The following GHITM variants were observed in gnomAD, a reference collection of about 807,000 sequenced individuals.
GHITM encodes growth hormone-inducible transmembrane protein.
In GHITM, 24 loss-of-function variants were observed where a neutral mutation model predicts 38.7. That is an observed-to-expected ratio of 0.62 (90% CI 0.45 to 0.87). The LOEUF (loss-of-function observed/expected upper bound fraction) is 0.87, where lower values mean the gene tolerates loss of function less well. Among genes scored for constraint, GHITM ranks in the 40% least tolerant of loss-of-function variants. The pLI is 0.00. For missense variants in GHITM, 420 were observed against 429.8 expected (o/e 0.98, Z 0.20); for synonymous variants, 154 against 147.8 (o/e 1.04, Z -0.30).
chr10:84,149,063 T>C (rs1318748661), intron 6 of GHITM, among the ~76,000 whole-genome samples: 2 of 152,232 alleles, frequency 1.3e-5, no homozygotes, highest in East Asian at 3.8e-4. Flanking sequence ...TCTGACAGTC[T>C]AGTATATGCA....
Position 84,142,650 on chromosome 10 carries a change from G to A in GHITM, c.130-5G>A. ...GGTACGTGTCTTTGTTTGCATGTGTGTCAGGAATATGCCACCAAAACAAGA... is the reference window on the plus strand; with the variant it reads ...GGTACGTGTCTTTGTTTGCATGTGTATCAGGAATATGCCACCAAAACAAGA... On this transcript the variant is annotated splice_polypyrimidine_tract_variant and splice_region_variant and intron_variant, in intron 2 of 8. Transcript: ENST00000372134. 6.2e-7 allele frequency: 1 copy of A among 1,601,258 alleles called. No individual in the cohort carries two copies. Among genetic ancestry groups the A allele is most frequent in the Non-Finnish European group, 8.6e-7 (1 of 1,169,324 alleles).
intron 1 of GHITM, among the ~76,000 whole-genome samples, chr10:84,140,947 T>C (rs901084510): frequency 2.0e-5 from 3 of 152,238 alleles, no homozygotes; most frequent in African/African-American, 7.2e-5. Context: ...TATGATTAGC[T>C]GAAATTCATA....
intron 5 of GHITM, among the ~76,000 whole-genome samples, chr10:84,146,451 C>G (rs566215897): frequency 6.6e-6 from 1 of 152,272 alleles, no homozygotes; most frequent in South Asian, 2.1e-4. Flanking sequence ...AACACTGATT[C>G]CCCACATAGG....
intron 8 of GHITM, among the ~76,000 whole-genome samples, chr10:84,151,337 T>A (rs1841610163): frequency 6.6e-6 from 1 of 152,208 alleles, no homozygotes; most frequent in African/African-American, 2.4e-5. Context: ...TTTTGTCTGT[T>A]CTCTCTTTAG....
chr10:84,142,682 A>T lies in GHITM; in HGVS notation c.157A>T (p.Ile53Phe). The change falls in exon 3 of 9, where the codon ATC (isoleucine) becomes TTC (phenylalanine). Residue 53 changes from isoleucine (I) to phenylalanine (F), a missense_variant. By Grantham distance (21) the Ile-to-Phe change is conservative (BLOSUM62 0). Transcript: ENST00000372134. Reference protein sequence around the residue: ...REYATKTRIGIRRGRTGQELK... With the variant: ...REYATKTRIGFRRGRTGQELK... ...ATATGCCACCAAAACAAGAATTGGG[A>T]TCCGGCGTGGGAGAACTGGCCAAGA... 6.2e-7 allele frequency: 1 copy of T among 1,612,690 alleles called. No homozygotes were observed.
In GHITM at chr10:84,148,594, C is replaced by T. The variant is rs1048063677; in HGVS notation, c.484-136C>T. ...TGCAGGCGTGAGCCACCACGCCTGG[C>T]CTTAAGCTTTGATTTATTATCTTTA... On this transcript the variant is annotated intron_variant, in intron 5 of 8. Transcript: ENST00000372134. The T allele has an allele frequency of 4.8e-6, 3 of 625,382 alleles. No homozygotes were observed. In the African/African-American group the frequency reaches 5.5e-5, roughly 11 times the overall value. 38.7% of individuals were successfully genotyped at this position (625,382 alleles called of 1,614,324 possible). A position where few individuals can be genotyped will look rare whatever the true frequency, so the allele number is the denominator to read the frequency against.
Position 84,145,374 on chromosome 10 carries a change from A to G in GHITM, c.483+358A>G, listed in dbSNP as rs147391989. ...TTCTGATGAGAGTTACTCAACCTGTATTAGTGCAGCTGAGATAAAAGTAGG... is the reference window on the plus strand; with the variant it reads ...TTCTGATGAGAGTTACTCAACCTGTGTTAGTGCAGCTGAGATAAAAGTAGG... On this transcript the variant is annotated intron_variant, in intron 5 of 8. Transcript: ENST00000372134. 4.9e-3 allele frequency among the ~76,000 whole-genome samples: 750 copies of G among 152,362 alleles called. 5 individuals are homozygous for G. The highest frequency in any genetic ancestry group is 0.017 in the African/African-American group (713 of 41,588).
intron 5 of GHITM, among the ~76,000 whole-genome samples, chr10:84,147,502 G>A (rs902893914): frequency 6.6e-6 from 1 of 152,208 alleles, no homozygotes; most frequent in Non-Finnish European, 1.5e-5. Context: ...TCATAGGTGA[G>A]ACAGATAATA....
At position 84,141,595 on chromosome 10, in the gene GHITM, TCACGAAGAATCAATGGCTGTTAA is replaced by T; in HGVS notation, c.99_121del (p.Lys34Ter). On this transcript the variant is annotated frameshift_variant, in exon 2 of 9. Coordinates refer to ENST00000372134, the MANE Select transcript of GHITM (RefSeq NM_014394.3). LOFTEE classifies it high-confidence loss of function. ...GCCTCCCCTGTTGTGAAGAATTCCATCACGAAGAATCAATGGCTGTTAACACCTAGCAGGGTAAAGATAATCTG... is the reference window on the plus strand; with the variant it reads ...GCCTCCCCTGTTGTGAAGAATTCCATCACCTAGCAGGGTAAAGATAATCTG... 2 of 1,613,854 alleles carry T rather than the reference TCACGAAGAATCAATGGCTGTTAA, an allele frequency of 1.2e-6. No homozygotes were observed. Among genetic ancestry groups the T allele is most frequent in the East Asian group, 4.5e-5 (2 of 44,890 alleles).
chr10:84,148,827 T>G lies in GHITM; in HGVS notation c.581T>G (p.Leu194Trp). The G allele has an allele frequency of 6.3e-7, 1 of 1,593,712 alleles. No homozygotes were observed. The highest frequency in any genetic ancestry group is 8.6e-7 in the Non-Finnish European group (1 of 1,161,504). ...CCAGGCCCAAAGCATCTTGCTTGGT[T>G]GCTACATTCTGGTATGTTCTGTTTT... Reference protein sequence around the residue: ...QSPGPKHLAWLLHSGVMGAVV... With the variant: ...QSPGPKHLAWWLHSGVMGAVV... Residue 194 changes from leucine to tryptophan, a missense_variant, in exon 6 of 9, where the codon TTG (leucine) becomes TGG (tryptophan). Leu to Trp is a moderately conservative substitution (Grantham distance 61). Coordinates refer to ENST00000372134, the MANE Select transcript of GHITM (RefSeq NM_014394.3).
chr10:84,145,979 T>C (rs563736309), intron 5 of GHITM, among the ~76,000 whole-genome samples: 3 of 152,328 alleles, frequency 2.0e-5, no homozygotes, highest in Non-Finnish European at 4.4e-5. Context: ...GAAGATTGCT[T>C]GAGCCCAGGA....
chr10:84,149,982 G>T, intron 6 of GHITM, 73 bp from the exon 7 acceptor site: 1 of 1,168,110 alleles, frequency 8.6e-7, no homozygotes, highest in Non-Finnish European at 1.2e-6. Context: ...ATATAAAGTG[G>T]CATGTTAGAA....
At chr10:84,143,962 G>C (rs1171030039) in intron 3 of GHITM, 33 bp from the exon 4 acceptor site, 2 of 1,325,764 alleles carry the variant, frequency 1.5e-6, no homozygotes, top group Admixed American at 1.7e-5. Context: ...AGATGTGCCA[G>C]TACTAACCTG....
rs913807494 is a variant in GHITM at position 84,144,881 on chromosome 10, G to T, written c.348G>T (p.Trp116Cys). 2 of 1,570,264 alleles carry T rather than the reference G, an allele frequency of 1.3e-6. No individual in the cohort carries two copies. Among genetic ancestry groups the T allele is most frequent in the Non-Finnish European group, 1.7e-6 (2 of 1,153,052 alleles). ...EIGAIEKAVI[W>C]PQYVKDRIHS... ...CATGTCATGTTTCTTACAGAATTTG[G>T]CCTCAGTATGTCAAGGATAGAATTC... The change falls in exon 5 of 9, where the codon TGG becomes TGT. Residue 116 changes from tryptophan to cysteine, a missense_variant. By Grantham distance (215) the Trp-to-Cys change is radical. Coordinates refer to ENST00000372134, the MANE Select transcript of GHITM (RefSeq NM_014394.3).
At chr10:84,148,891 G>T in intron 6 of GHITM, 53 bp downstream of exon 6, 1 of 1,063,516 alleles carries the variant, frequency 9.4e-7, no homozygotes, top group Non-Finnish European at 1.5e-6. Flanking sequence ...ACCTTTTTTG[G>T]GTGGCTCTTC....
intron 1 of GHITM, among the ~76,000 whole-genome samples, chr10:84,141,151 G>T (rs1385616785): frequency 6.6e-6 from 1 of 152,126 alleles, no homozygotes; most frequent in Non-Finnish European, 1.5e-5. Context: ...CTGTAATCAC[G>T]TCCAGTTATT....
intron 2 of GHITM, 71 bp downstream of exon 2, chr10:84,141,700 G>A: frequency 7.1e-7 from 1 of 1,417,700 alleles, no homozygotes; most frequent in Non-Finnish European, 1.0e-6. Flanking sequence ...GCAGAGTATG[G>A]CTGCTCTGCC....
At chr10:84,146,577 A>G (rs994421131) in intron 5 of GHITM, among the ~76,000 whole-genome samples, 5 of 152,238 alleles carry the variant, frequency 3.3e-5, no homozygotes, top group Non-Finnish European at 5.9e-5. Flanking sequence ...CATAGACGTC[A>G]TGAATCTCCC....
intron 3 of GHITM, 57 bp from the exon 4 acceptor site, chr10:84,143,938 T>C: frequency 9.1e-7 from 1 of 1,101,944 alleles, no homozygotes; most frequent in South Asian, 1.2e-5. Flanking sequence ...ATAAATATTT[T>C]AAAGGCTTTG....
Sources: gnomAD v4.1 joint callset for allele counts (sites outside exome capture counted in the v4.1 genomes callset) on GRCh38, gnomAD v4.1.1 for gene constraint, MANE v1.5 for transcripts, NCBI Gene and HGNC (gene_info 2026-07-23, HGNC 2026-07-21) for gene names.